RPL26L1: variants seen among roughly 807,000 people sequenced by gnomAD.
The protein encoded by RPL26L1 is ribosomal protein L26 like 1.
RPL26L1 carries 8 observed loss-of-function variants against 15.2 expected under a neutral mutation model. The observed-to-expected ratio is 0.53, with a 90% CI of 0.31 to 0.95. The LOEUF (loss-of-function observed/expected upper bound fraction) is 0.95. RPL26L1 is among the 40% of genes least tolerant of loss of function. The pLI is 0.05. For synonymous variants in RPL26L1, 51 were observed against 65.9 expected, an observed-to-expected ratio of 0.77 and a Z score of 1.09; for missense variants, 146 against 190.9, an observed-to-expected ratio of 0.76 and a Z score of 1.39.
intron 2 of RPL26L1, among the ~76,000 whole-genome samples, chr5:172,964,392 T>C (rs1475910185): frequency 6.7e-6 from 1 of 148,412 alleles, no homozygotes; most frequent in African/African-American, 2.5e-5. Flanking sequence ...TTCAAGCCAT[T>C]CTCCTCCCTC....
At chr5:172,960,887 T>C (rs956318092) in intron 2 of RPL26L1, among the ~76,000 whole-genome samples, 1 of 125,182 alleles carries the variant, frequency 8.0e-6, no homozygotes, top group Non-Finnish European at 1.6e-5. Flanking sequence ...TCTATTGATA[T>C]GTTGGACTGG....
chr5:172,954,945 C>T (rs1293440412), upstream of RPL26L1: 1 of 454,254 alleles, frequency 2.2e-6, no homozygotes, highest in East Asian at 7.1e-5. Context: ...TGTGGTGGGT[C>T]CAGGCAGAAA....
At chr5:172,968,803 C>CTTTTTGTTTTT (rs1755573455) in intron 3 of RPL26L1, among the ~76,000 whole-genome samples, 1 of 74,348 alleles carries the variant, frequency 1.3e-5, no homozygotes, top group Non-Finnish European at 2.3e-5. Flanking sequence ...ATGGCTGTGT[C>CTTTTTGTTTTT]TTTTTTTTTT....
At chr5:172,958,869 G>C (rs1281956654), upstream of RPL26L1, 1 of 157,256 alleles carries the variant, frequency 6.4e-6, no homozygotes, top group African/African-American at 2.4e-5. Flanking sequence ...GAGAGGGGCG[G>C]GGCGGCGGCC....
upstream of RPL26L1, chr5:172,957,530 T>C (rs199510731): frequency 4.9e-5 from 14 of 284,520 alleles, no homozygotes; most frequent in East Asian, 1.3e-3. Context: ...GATGAGCAAA[T>C]GAATGAATGT....
At chr5:172,959,556 C>T (rs573449454) in intron 1 of RPL26L1, 88 bp downstream of exon 1, 162 of 1,171,692 alleles carry the variant, frequency 1.4e-4, no homozygotes, top group Admixed American at 6.3e-4. Flanking sequence ...CATGTCACCC[C>T]ACAGCTCTCT....
At chr5:172,958,428 G>A (rs552934796), upstream of RPL26L1, 22 of 456,234 alleles carry the variant, frequency 4.8e-5, no homozygotes, top group Middle Eastern at 3.3e-4. Context: ...TCAGCATGCC[G>A]GCATTTGGCA....
chr5:172,968,249 G>A (rs186164342), intron 2 of RPL26L1, among the ~76,000 whole-genome samples: 1 of 151,864 alleles, frequency 6.6e-6, no homozygotes, highest in Non-Finnish European at 1.5e-5. Flanking sequence ...AGCTCATATC[G>A]CACATTTCTG....
At chr5:172,961,855 G>A (rs1302726010) in intron 2 of RPL26L1, among the ~76,000 whole-genome samples, 1 of 152,156 alleles carries the variant, frequency 6.6e-6, no homozygotes, top group African/African-American at 2.4e-5. Context: ...CAGACCTATA[G>A]ATCTGACTAC....
chr5:172,958,983 A>C (rs112809806), upstream of RPL26L1: 3 of 152,880 alleles, frequency 2.0e-5, no homozygotes, highest in South Asian at 2.0e-4. Context: ...AGCACTTTGG[A>C]AGGCCGAGGC....
At chr5:172,954,708 G>A (rs748326722), upstream of RPL26L1, 11 of 300,914 alleles carry the variant, frequency 3.7e-5, no homozygotes, top group South Asian at 2.0e-4. Flanking sequence ...GGGGAACACC[G>A]ATACAGGTTT....
chr5:172,966,002 C>CTTTT (rs1362639582), intron 2 of RPL26L1, among the ~76,000 whole-genome samples: 1 of 152,248 alleles, frequency 6.6e-6, no homozygotes, highest in African/African-American at 2.4e-5. Flanking sequence ...AAGCCAGACT[C>CTTTT]TGAGTATCAT....
intron 3 of RPL26L1, 79 bp downstream of exon 3, chr5:172,968,678 C>T (rs1320399492): frequency 6.4e-7 from 1 of 1,551,418 alleles, no homozygotes; most frequent in East Asian, 2.3e-5. Flanking sequence ...TTTGGTACTC[C>T]CTGCACAGTT....
At chr5:172,967,602 G>C (rs1034473282) in intron 2 of RPL26L1, among the ~76,000 whole-genome samples, 2 of 151,930 alleles carry the variant, frequency 1.3e-5, no homozygotes, top group Non-Finnish European at 2.9e-5. Flanking sequence ...TAAAATATTT[G>C]TATTAAATGT....
chr5:172,961,919 T>G (rs921831158), intron 2 of RPL26L1, among the ~76,000 whole-genome samples: 22 of 152,176 alleles, frequency 1.4e-4, no homozygotes, highest in African/African-American at 5.3e-4. Context: ...TTCTTAAGAG[T>G]ACTCTTGATC....
chr5:172,959,477 A>T lies in RPL26L1; in HGVS notation c.-10+9A>T. 9.8e-7 allele frequency: 1 copy of T among 1,022,954 alleles called. No individual in the cohort carries two copies. The highest frequency in any genetic ancestry group is 1.7e-5 in the African/African-American group (1 of 59,430). The allele number at this position is 1,022,954 out of a possible 1,614,324, so 63.4% of individuals were successfully genotyped here. A position where few individuals can be genotyped will look rare whatever the true frequency, so the allele number is the denominator to read the frequency against. ...AGGCAGCTAGTAGCCGGGTGAGTGG[A>T]GGCTGGAGTTTTCTCGGACAGTGAA... On this transcript the variant is annotated intron_variant, in intron 1 of 3. Coordinates refer to ENST00000265100, the MANE Select transcript of RPL26L1 (RefSeq NM_016093.4).
chr5:172,958,264 C>CAAAAAA (rs5873347), upstream of RPL26L1: 11 of 287,436 alleles, frequency 3.8e-5, no homozygotes, highest in East Asian at 8.9e-5. Context: ...AACTCTATCT[C>CAAAAAA]AAAAAAAAAA....
intron 2 of RPL26L1, among the ~76,000 whole-genome samples, chr5:172,962,085 G>A (rs72814127): frequency 0.045 from 6,901 of 152,288 alleles, 302 homozygotes; most frequent in African/African-American, 0.12. Flanking sequence ...ATCAAGGCTT[G>A]TTGATTCTAC....
intron 1 of RPL26L1, 75 bp downstream of exon 1, chr5:172,959,543 A>G (rs1755135296): frequency 8.8e-7 from 1 of 1,130,002 alleles, no homozygotes; most frequent in South Asian, 2.1e-5. Flanking sequence ...TGTCGCGGGA[A>G]CACATGTCAC....
Sources: allele counts gnomAD v4.1 joint callset (sites outside exome capture counted in the v4.1 genomes callset), GRCh38; gene constraint gnomAD v4.1.1; transcripts MANE v1.5; gene names NCBI Gene and HGNC (gene_info 2026-07-23, HGNC 2026-07-21).